The following ZNF544 variants were observed in gnomAD, a reference collection of about 807,000 sequenced individuals.
ZNF544 encodes zinc finger protein 544.
Under a neutral mutation model 13.5 loss-of-function variants are expected in ZNF544, and 10 were observed. That is an observed-to-expected ratio of 0.74 (90% CI 0.46 to 1.25). The LOEUF (loss-of-function observed/expected upper bound fraction) is 1.25. ZNF544 is among the 50% of genes most tolerant of loss of function. The probability of loss-of-function intolerance (pLI) is 0.00; values close to 1 mark genes in which losing one functional copy is unlikely to be tolerated. For missense variants in ZNF544, 896 were observed against 845.6 expected (o/e 1.06, Z -0.74); for synonymous variants, 323 against 300.5 (o/e 1.07, Z -0.77).
chr19:58,273,476 G>T (rs529923322), intron 5 of ZNF544, among the ~76,000 whole-genome samples: 2 of 152,012 alleles, frequency 1.3e-5, no homozygotes, highest in African/African-American at 2.4e-5. Flanking sequence ...GGATCACCAG[G>T]TCAGGAGATA....
chr19:58,260,178 C>G (rs1395911443), intron 6 of ZNF544, among the ~76,000 whole-genome samples: 2 of 152,184 alleles, frequency 1.3e-5, no homozygotes, highest in African/African-American at 4.8e-5. Flanking sequence ...TTCACAGAGT[C>G]CAGGGGCTTA....
intron 6 of ZNF544, among the ~76,000 whole-genome samples, chr19:58,249,337 A>T (rs2045923154): frequency 6.6e-6 from 1 of 151,316 alleles, no homozygotes; most frequent in Admixed American, 6.6e-5. Context: ...GAATCACAGG[A>T]CTCTCTCCCC....
intron 3 of ZNF544, among the ~76,000 whole-genome samples, chr19:58,240,914 TTTTTTC>T (rs556025715): frequency 9.1e-4 from 138 of 151,462 alleles, no homozygotes; most frequent in African/African-American, 3.3e-3. Context: ...TAGGGGTCAT[TTTTTTC>T]TTTTTCTTTT....
At chr19:58,252,491 A>C (rs548248546) in intron 6 of ZNF544, among the ~76,000 whole-genome samples, 1 of 152,056 alleles carries the variant, frequency 6.6e-6, no homozygotes, top group African/African-American at 2.4e-5. Context: ...AACTTTCTTC[A>C]CCTCTCTCTC....
rs763139605 is a variant in ZNF544 at position 58,262,124 on chromosome 19, C to T, written c.1518C>T (p.Asp506=). 6.2e-7 allele frequency: 1 copy of T among 1,612,182 alleles called. No homozygotes were observed. The highest frequency in any genetic ancestry group is 8.5e-7 in the Non-Finnish European group (1 of 1,179,750). ...GGAAATCTTTCAGCCAGAAGTATGACCTTGTTGTACATCAGAGGACACACA... is the reference window on the plus strand; with the variant it reads ...GGAAATCTTTCAGCCAGAAGTATGATCTTGTTGTACATCAGAGGACACACA... The part of the protein sequence containing the change: ...QCGKSFSQKY[D]LVVHQRTHTG... The change falls in exon 7 of 7, where the codon GAC becomes GAT. Residue 506 remains aspartate (D), a synonymous_variant. Coordinates refer to ENST00000687789, the MANE Select transcript of ZNF544 (RefSeq NM_014480.4).
intron 3 of ZNF544, among the ~76,000 whole-genome samples, chr19:58,240,584 ACC>A (rs2043365699): frequency 6.7e-6 from 1 of 149,738 alleles, no homozygotes; most frequent in African/African-American, 2.5e-5. Context: ...ACATCCTGAA[ACC>A]CCGCTTCTGC....
At chr19:58,231,503 C>T (rs571749220) in intron 3 of ZNF544, among the ~76,000 whole-genome samples, 1 of 152,258 alleles carries the variant, frequency 6.6e-6, no homozygotes, top group Admixed American at 6.5e-5. Context: ...GTAGGAAGGC[C>T]TGGGGCATTT....
At chr19:58,237,951 A>G (rs2042778275) in intron 3 of ZNF544, among the ~76,000 whole-genome samples, 2 of 152,140 alleles carry the variant, frequency 1.3e-5, no homozygotes, top group African/African-American at 4.8e-5. Context: ...GTGTCTGGAG[A>G]TTTTTAAAAC....
rs548137908 is a variant in ZNF544, at chr19:58,250,927, T to C, written c.244+4133T>C. On this transcript the variant is annotated intron_variant, in intron 6 of 6. Coordinates refer to ENST00000687789, the MANE Select transcript of ZNF544 (RefSeq NM_014480.4). ...AGTTAAATGTAAAGTTTTTAATAAATACCCAGAATCCATTAACTGCTGGAG... is the reference window on the plus strand; with the variant it reads ...AGTTAAATGTAAAGTTTTTAATAAACACCCAGAATCCATTAACTGCTGGAG... 5.9e-5 allele frequency among the ~76,000 whole-genome samples: 9 copies of C among 152,308 alleles called. No individual in the cohort carries two copies. In the South Asian group the frequency reaches 1.9e-3, roughly 32 times the overall value.
Position 58,246,302 on chromosome 19 carries a change from CAT to C in ZNF544, c.36_37del (p.Ser13CysfsTer48). 6.2e-7 allele frequency: 1 copy of C among 1,614,020 alleles called. No individual in the cohort carries two copies. The highest frequency in any genetic ancestry group is 1.1e-5 in the South Asian group (1 of 91,078). On this transcript the variant is annotated frameshift_variant and splice_region_variant, in exon 5 of 7. Transcript: ENST00000687789. LOFTEE classifies it high-confidence loss of function. ...GCAGTAACAAGTGCCCTGTTTCAGGCATCTGTGTGCTTCGAGGATGTGGCTAT... is the reference window on the plus strand; with the variant it reads ...GCAGTAACAAGTGCCCTGTTTCAGGCCTGTGTGCTTCGAGGATGTGGCTAT...
downstream of ZNF544, chr19:58,264,135 T>G (rs1568509067): frequency 6.6e-6 from 1 of 151,434 alleles, no homozygotes; most frequent in Non-Finnish European, 1.5e-5. Context: ...GGCTCATGCC[T>G]GTAATCCCAG....
At chr19:58,243,887 G>C in intron 3 of ZNF544, 78 bp from the exon 4 acceptor site, 1 of 1,219,208 alleles carries the variant, frequency 8.2e-7, no homozygotes, top group Non-Finnish European at 1.1e-6. Flanking sequence ...GGCCGGCCCC[G>C]CGTTCTCTAG....
chr19:58,256,071 C>G (rs2047269676), intron 6 of ZNF544, among the ~76,000 whole-genome samples: 1 of 152,166 alleles, frequency 6.6e-6, no homozygotes. Flanking sequence ...CAGAAACTTA[C>G]AGTTGCTTGC....
chr19:58,263,671 A>T (rs927638891), downstream of ZNF544: 51 of 792,794 alleles, frequency 6.4e-5, no homozygotes, highest in Non-Finnish European at 7.8e-5. Flanking sequence ...TTCTAAAATC[A>T]CACAGGTGAG....
intron 6 of ZNF544, among the ~76,000 whole-genome samples, chr19:58,255,826 T>C (rs1179345974): frequency 6.6e-6 from 1 of 152,184 alleles, no homozygotes; most frequent in Non-Finnish European, 1.5e-5. Context: ...AAGAGTCTTT[T>C]CCCCTTCTGG....
chr19:58,245,833 G>T (rs2045073929), intron 4 of ZNF544: 1 of 179,484 alleles, frequency 5.6e-6, no homozygotes, highest in Non-Finnish European at 1.2e-5. Flanking sequence ...GTCATTTCCA[G>T]TCTAGAAATC....
chr19:58,232,007 A>ATT (rs532283219), intron 3 of ZNF544, among the ~76,000 whole-genome samples: 4,750 of 144,818 alleles, frequency 0.033, 175 homozygotes, highest in Admixed American at 0.08. Context: ...CGCCCAGCTA[A>ATT]TTTTTTTTTT....
chr19:58,236,590 TAC>T (rs2042438951), intron 3 of ZNF544, among the ~76,000 whole-genome samples: 2 of 151,988 alleles, frequency 1.3e-5, no homozygotes, highest in South Asian at 4.1e-4. Context: ...TGCAAAATAG[TAC>T]AGAGTATCTT....
At chr19:58,264,384 C>CAAAAAA (rs34082011), downstream of ZNF544, among the ~76,000 whole-genome samples, 1 of 91,246 alleles carries the variant, frequency 1.1e-5, no homozygotes, top group African/African-American at 4.1e-5. Flanking sequence ...AACTTCATCT[C>CAAAAAA]AAAAAAAAAA....
Sources: gnomAD v4.1 joint callset for allele counts (sites outside exome capture counted in the v4.1 genomes callset) on GRCh38, gnomAD v4.1.1 for gene constraint, MANE v1.5 for transcripts, NCBI Gene and HGNC (gene_info 2026-07-23, HGNC 2026-07-21) for gene names.